Variants in AFF1 observed in about 807,000 individuals in gnomAD.
AFF1 encodes AF4/FMR2 family member 1.
Under a neutral mutation model 121.7 loss-of-function variants are expected in AFF1, and 48 were observed. That is an observed-to-expected ratio of 0.39 (90% CI 0.31 to 0.50). AFF1 has a LOEUF of 0.50. AFF1 is among the 20% of genes least tolerant of loss of function. The pLI, the probability that AFF1 is intolerant of heterozygous loss-of-function variation, is 0.76. For missense variants in AFF1, 1,523 were observed against 1,511.7 expected (o/e 1.01, Z -0.12); for synonymous variants, 613 against 563.0 (o/e 1.09, Z -1.26).
intron 2 of AFF1, among the ~76,000 whole-genome samples, chr4:86,995,218 A>G (rs547834210): frequency 7.9e-4 from 120 of 151,806 alleles, no homozygotes; most frequent in African/African-American, 2.8e-3. Context: ...GGGCAACAGA[A>G]TGAGACCTTT....
At chr4:87,042,548 G>A (rs1249984042) in intron 2 of AFF1, among the ~76,000 whole-genome samples, 1 of 152,200 alleles carries the variant, frequency 6.6e-6, no homozygotes, top group African/African-American at 2.4e-5. Flanking sequence ...TCCTACCAGT[G>A]ATATCCATGA....
intron 4 of AFF1, among the ~76,000 whole-genome samples, chr4:87,079,685 C>T (rs1403106984): frequency 1.3e-5 from 2 of 152,202 alleles, no homozygotes; most frequent in Non-Finnish European, 2.9e-5. Context: ...GCATAGACAA[C>T]TTAATTTCTC....
At chr4:86,984,431 A>G (rs1023024799) in intron 2 of AFF1, among the ~76,000 whole-genome samples, 2 of 151,374 alleles carry the variant, frequency 1.3e-5, no homozygotes, top group Non-Finnish European at 2.9e-5. Flanking sequence ...GATTCAAGCA[A>G]TTCTGCTTCA....
chr4:86,987,412 G>A (rs1237086147), intron 2 of AFF1, among the ~76,000 whole-genome samples: 1 of 152,134 alleles, frequency 6.6e-6, no homozygotes, highest in African/African-American at 2.4e-5. Context: ...GTCCCCTCCT[G>A]AGCAGGATCT....
rs915312072 is a variant in AFF1 at position 87,046,047 on chromosome 4, G to A, written c.39-119G>A. ...CTTAGGCTTTCTTTAAATCACAGCC[G>A]TCATCACTGCTTCTTCCCAGACCTG... On this transcript the variant is annotated intron_variant, in intron 2 of 20. Coordinates refer to ENST00000395146, the MANE Select transcript of AFF1 (RefSeq NM_001166693.3). 31 of 1,241,176 alleles carry A rather than the reference G, an allele frequency of 2.5e-5. No homozygotes were observed. The Middle Eastern group carries it at 9.9e-4, about 40-fold the overall frequency. 76.9% of individuals were successfully genotyped at this position (1,241,176 alleles called of 1,614,324 possible).
At chr4:86,952,659 A>T (rs979581962) in intron 2 of AFF1, among the ~76,000 whole-genome samples, 1 of 149,718 alleles carries the variant, frequency 6.7e-6, no homozygotes, top group Non-Finnish European at 1.5e-5. Flanking sequence ...GACTTAAAGT[A>T]AAAAAAAACA....
chr4:87,078,745 TG>T (rs1391245558), intron 4 of AFF1, among the ~76,000 whole-genome samples: 1 of 152,098 alleles, frequency 6.6e-6, no homozygotes, highest in Non-Finnish European at 1.5e-5. Flanking sequence ...ATCCAAAAGG[TG>T]GTGACACATT....
intron 8 of AFF1, among the ~76,000 whole-genome samples, chr4:87,097,418 C>T (rs182614075): frequency 6.6e-6 from 1 of 152,320 alleles, no homozygotes; most frequent in East Asian, 1.9e-4. Context: ...AGAGACAGAC[C>T]ATTCCTGTGA....
chr4:87,135,008 TGAA>T (rs1243143747), intron 20 of AFF1, among the ~76,000 whole-genome samples: 1 of 152,158 alleles, frequency 6.6e-6, no homozygotes, highest in Non-Finnish European at 1.5e-5. Flanking sequence ...GCAGGGCAAA[TGAA>T]GAAGAGGAGC....
In AFF1 at chr4:87,135,625, A is replaced by G. The variant is rs1192419019; in HGVS notation, c.3581A>G (p.Asn1194Ser). Residue 1194 changes from asparagine to serine, a missense_variant, in exon 21 of 21, where the codon AAC becomes AGC. Around this residue, in one of 5 missense-constraint regions of AFF1, gnomAD observed 241 missense variants for 265.2 expected, o/e 0.91. Coordinates refer to ENST00000395146, the MANE Select transcript of AFF1 (RefSeq NM_001166693.3). The stretch of plus-strand genomic sequence containing the variant: ...ACAAATGTGTGCACCTTGGCCCTCA[A>G]CAGCAGTTTGGTGGACCTGGTGCAC... ...LSTNVCTLAL[N>S]SSLVDLVHYT... The G allele has an allele frequency of 3.7e-6, 6 of 1,612,326 alleles. No homozygotes were observed. The Admixed American group carries it at 6.7e-5, about 18-fold the overall frequency.
chr4:87,077,315 C>A (rs1454814363), intron 4 of AFF1, among the ~76,000 whole-genome samples: 1 of 151,914 alleles, frequency 6.6e-6, no homozygotes, highest in Non-Finnish European at 1.5e-5. Flanking sequence ...TACAAAAATT[C>A]AGTGTGGCGT....
intron 2 of AFF1, among the ~76,000 whole-genome samples, chr4:86,957,926 C>G (rs188423607): frequency 4.6e-5 from 7 of 152,086 alleles, no homozygotes; most frequent in Non-Finnish European, 1.0e-4. Flanking sequence ...CTTTGCTGAA[C>G]TATTTTAAAG....
chr4:86,973,994 A>G (rs1157365246), intron 2 of AFF1: 1 of 152,360 alleles, frequency 6.6e-6, no homozygotes, highest in East Asian at 1.9e-4. Flanking sequence ...ACGCTCTAGC[A>G]GAAGAGCAAA....
Position 87,058,305 on chromosome 4 carries a change from G to T in AFF1, c.1059+10711G>T, listed in dbSNP as rs528852918. Among the ~76,000 whole-genome samples, 11 of 152,270 alleles carry T rather than the reference G, an allele frequency of 7.2e-5. No individual in the cohort carries two copies. In the East Asian group the frequency reaches 1.7e-3, roughly 24 times the overall value. The stretch of plus-strand genomic sequence containing the variant: ...TGTACACTTTTATTTAAAGTGTGCT[G>T]TTTTTCCACATGGCCTTGCTTTCAT... On this transcript the variant is annotated intron_variant, in intron 4 of 20. Coordinates refer to ENST00000395146, the MANE Select transcript of AFF1 (RefSeq NM_001166693.3).
At chr4:86,952,617 A>G (rs1213702905) in intron 2 of AFF1, among the ~76,000 whole-genome samples, 1 of 152,070 alleles carries the variant, frequency 6.6e-6, no homozygotes, top group East Asian at 1.9e-4. Flanking sequence ...CGTGTGTTTA[A>G]CAAACCTGCA....
At position 87,132,425 on chromosome 4, in the gene AFF1, TATAA is replaced by T. The variant is rs1263976435; in HGVS notation, c.3311+22_3311+25del. On this transcript the variant is annotated intron_variant, in intron 19 of 20. Coordinates refer to ENST00000395146, the MANE Select transcript of AFF1 (RefSeq NM_001166693.3). ...CATTGCAAGGTAACTCTAAGTCTAATATAAATAATTTCCAGAATTGAGTCATTTC... is the reference window on the plus strand; with the variant it reads ...CATTGCAAGGTAACTCTAAGTCTAATATAATTTCCAGAATTGAGTCATTTC... 2 of 1,581,228 alleles carry T rather than the reference TATAA, an allele frequency of 1.3e-6. No individual in the cohort carries two copies. Among genetic ancestry groups the T allele is most frequent in the Non-Finnish European group, 1.7e-6 (2 of 1,168,494 alleles).
intron 2 of AFF1, among the ~76,000 whole-genome samples, chr4:87,022,588 CTATATCTATCTG>C: frequency 9.2e-6 from 1 of 108,294 alleles, no homozygotes; most frequent in Non-Finnish European, 1.8e-5. Context: ...ATATATCTAT[CTATATCTATCTG>C]TGTGTATATA....
chr4:87,033,484 G>C (rs945455443), intron 2 of AFF1, among the ~76,000 whole-genome samples: 2 of 152,186 alleles, frequency 1.3e-5, no homozygotes, highest in Non-Finnish European at 2.9e-5. Flanking sequence ...TGTGTTCCAA[G>C]CTGTTCTATA....
chr4:87,092,591 T>G (rs1292339449), intron 7 of AFF1, among the ~76,000 whole-genome samples: 2 of 152,120 alleles, frequency 1.3e-5, no homozygotes, highest in African/African-American at 4.8e-5. Context: ...AAATAAAGTT[T>G]TATTGGGACA....
Sources: gnomAD v4.1 joint callset for allele counts (sites outside exome capture counted in the v4.1 genomes callset) on GRCh38, gnomAD v4.1.1 for gene constraint, gnomAD v4.1.1 regional missense constraint, MANE v1.5 for transcripts, NCBI Gene and HGNC (gene_info 2026-07-23, HGNC 2026-07-21) for gene names.